CELF1: variants seen among roughly 807,000 people sequenced by gnomAD.
CELF1 encodes the protein CUGBP Elav-like family member 1.
In CELF1, 10 loss-of-function variants were observed where a neutral mutation model predicts 61.8. The observed-to-expected ratio is 0.16, with a 90% confidence interval of 0.10 to 0.27. The LOEUF is 0.27. Among genes scored for constraint, CELF1 ranks in the 10% least tolerant of loss-of-function variants. The probability of loss-of-function intolerance (pLI) is 1.00; values close to 1 mark genes in which losing one functional copy is unlikely to be tolerated. For synonymous variants in CELF1, 236 were observed against 225.1 expected (o/e 1.05, Z -0.43); for missense variants, 380 against 639.1 (o/e 0.59, Z 4.37).
At chr11:47,474,601 G>T (rs2079168534) in intron 13 of CELF1, among the ~76,000 whole-genome samples, 1 of 152,176 alleles carries the variant, frequency 6.6e-6, no homozygotes, top group South Asian at 2.1e-4. Flanking sequence ...CACATCCCTA[G>T]GGGATATAAG....
Position 47,468,964 on chromosome 11 carries a change from G to C in CELF1, c.*3266C>G, listed in dbSNP as rs2077126082. ...AGAGCAATACATCCAAACAAAGAGA[G>C]AGAGAACAGGAACACTCACTGTGTG... On this transcript the variant is annotated 3_prime_UTR_variant, in exon 15 of 15. Transcript: ENST00000687097. 2 of 152,244 alleles carry C rather than the reference G, an allele frequency of 1.3e-5. No homozygotes were observed. Among genetic ancestry groups the C allele is most frequent in the Admixed American group, 1.3e-4 (2 of 15,280 alleles). The allele number at this position is 152,244 out of a possible 1,614,324, so 9.4% of individuals were successfully genotyped here. A position where few individuals can be genotyped will look rare whatever the true frequency, so the allele number is the denominator to read the frequency against.
In CELF1 at chr11:47,478,280, T is replaced by C. The variant is rs955068413; in HGVS notation, c.844+597A>G. Among the ~76,000 whole-genome samples, 14 of 152,230 alleles carry C rather than the reference T, an allele frequency of 9.2e-5. 1 individual carries two copies. The South Asian group carries it at 2.7e-3, about 29-fold the overall frequency. ...CACATTTGGCCTAGCCTAAATCCAA[T>C]GCAGAGGGTGTAGGCACAGGCAGCT... is the stretch of plus-strand genomic sequence containing the variant. On this transcript the variant is annotated intron_variant, in intron 10 of 14. Transcript: ENST00000687097.
chr11:47,518,671 C>A (rs1288360676), intron 1 of CELF1, among the ~76,000 whole-genome samples: 2 of 152,180 alleles, frequency 1.3e-5, no homozygotes, highest in African/African-American at 4.8e-5. Context: ...TCCAACTCTG[C>A]ATCTCCCCTG....
At chr11:47,554,131 C>T (rs2097195169), upstream of CELF1, among the ~76,000 whole-genome samples, 1 of 152,098 alleles carries the variant, frequency 6.6e-6, no homozygotes, top group Non-Finnish European at 1.5e-5. Context: ...TACCTTACCA[C>T]AAACAACAAG....
At position 47,551,039 on chromosome 11, in the gene CELF1, T is replaced by TA. The variant is rs10718787; in HGVS notation, c.-154+1952dup. 7.5e-4 allele frequency among the ~76,000 whole-genome samples: 110 copies of TA among 146,752 alleles called. 1 individual carries two copies. Among genetic ancestry groups the TA allele is most frequent in the African/African-American group, 2.6e-3 (103 of 40,188 alleles). The stretch of plus-strand genomic sequence containing the variant: ...TTGCATTATTACTCGTGATATTGTT[T>TA]AAAAAAAAAAAAAACATAACCTTGG... On this transcript the variant is annotated intron_variant, in intron 1 of 14. Transcript: ENST00000687097.
At chr11:47,475,800 T>C (rs2079808601) in intron 12 of CELF1, among the ~76,000 whole-genome samples, 2 of 152,202 alleles carry the variant, frequency 1.3e-5, no homozygotes, top group South Asian at 4.1e-4. Flanking sequence ...TATCTGGCTA[T>C]TCTGCCACTT....
chr11:47,534,276 C>T (rs1370904032), intron 1 of CELF1, among the ~76,000 whole-genome samples: 3 of 150,976 alleles, frequency 2.0e-5, no homozygotes, highest in Admixed American at 6.6e-5. Flanking sequence ...GTGATCCACC[C>T]GCCTTGGCCT....
intron 2 of CELF1, among the ~76,000 whole-genome samples, chr11:47,563,494 C>T (rs1031844669): frequency 1.6e-4 from 24 of 151,896 alleles, no homozygotes; most frequent in Admixed American, 1.3e-3. Flanking sequence ...AAGAGCAGCC[C>T]GGCCAACATG....
chr11:47,469,523 C>T lies in CELF1; in HGVS notation c.*2707G>A, dbSNP rs2077230677. 1 of 152,298 alleles carries T rather than the reference C, an allele frequency of 6.6e-6. No individual in the cohort carries two copies. Among genetic ancestry groups the T allele is most frequent in the Admixed American group, 6.5e-5 (1 of 15,280 alleles). 9.4% of individuals were successfully genotyped at this position (152,298 alleles called of 1,614,324 possible). On this transcript the variant is annotated 3_prime_UTR_variant, in exon 15 of 15. Coordinates refer to ENST00000687097, the MANE Select transcript of CELF1 (RefSeq NM_001376376.1). ...TTGCTTAAGACTTGACAGCGAGTCT[C>T]CACTCTGAGCTGAGCCCTTTCACAC...
intron 13 of CELF1, among the ~76,000 whole-genome samples, chr11:47,474,307 C>G (rs2079017975): frequency 1.3e-5 from 2 of 152,208 alleles, no homozygotes; most frequent in Non-Finnish European, 2.9e-5. Flanking sequence ...ATTGCTGCCT[C>G]AGGGCCTCTG....
intron 1 of CELF1, among the ~76,000 whole-genome samples, chr11:47,540,050 GAT>G (rs1205426551): frequency 6.6e-6 from 1 of 152,184 alleles, no homozygotes; most frequent in African/African-American, 2.4e-5. Flanking sequence ...GGTGCAATAA[GAT>G]ATTACAAGAG....
chr11:47,484,924 CGCCTCG>C (rs200672350), intron 6 of CELF1, among the ~76,000 whole-genome samples: 2,130 of 152,228 alleles, frequency 0.014, 46 homozygotes, highest in African/African-American at 0.048. Flanking sequence ...GTGATCCACC[CGCCTCG>C]GCCTCCCAAA....
At chr11:47,483,402 C>T (rs1241746021) in intron 8 of CELF1, 51 bp downstream of exon 8, 1 of 1,437,072 alleles carries the variant, frequency 7.0e-7, no homozygotes, top group African/African-American at 1.4e-5. Flanking sequence ...GGCCAACTGT[C>T]CCAGCATTCC....
At chr11:47,532,452 T>C (rs2096508193) in intron 1 of CELF1, among the ~76,000 whole-genome samples, 1 of 152,232 alleles carries the variant, frequency 6.6e-6, no homozygotes, top group Non-Finnish European at 1.5e-5. Flanking sequence ...CACCTCCACC[T>C]GAGGAAAGAG....
chr11:47,541,554 G>T (rs1164902025), intron 1 of CELF1, among the ~76,000 whole-genome samples: 18 of 151,732 alleles, frequency 1.2e-4, no homozygotes, highest in Admixed American at 1.2e-3. Flanking sequence ...GCTGGGTGTG[G>T]TGGCGCATGC....
chr11:47,562,896 G>A (rs1053957790), intron 2 of CELF1, among the ~76,000 whole-genome samples: 1 of 151,732 alleles, frequency 6.6e-6, no homozygotes, highest in Non-Finnish European at 1.5e-5. Context: ...TAGTAGAGAC[G>A]GGGTTTCACC....
rs1314321225 is a variant in CELF1 at position 47,527,242 on chromosome 11, T to G, written c.-154+25750A>C. Among the ~76,000 whole-genome samples, 3 of 151,524 alleles carry G rather than the reference T, an allele frequency of 2.0e-5. No individual in the cohort carries two copies. In the East Asian group the frequency reaches 5.8e-4, roughly 30 times the overall value. ...CATCTCTACAGAAAGAAGTAAAAAATTAGCCGGACATGGTGGCACGTGCCT... is the reference window on the plus strand; with the variant it reads ...CATCTCTACAGAAAGAAGTAAAAAAGTAGCCGGACATGGTGGCACGTGCCT... On this transcript the variant is annotated intron_variant, in intron 1 of 14. Coordinates refer to ENST00000687097, the MANE Select transcript of CELF1 (RefSeq NM_001376376.1).
At chr11:47,548,498 T>A (rs1251407988) in intron 1 of CELF1, among the ~76,000 whole-genome samples, 1 of 152,086 alleles carries the variant, frequency 6.6e-6, no homozygotes, top group East Asian at 1.9e-4. Flanking sequence ...AAGCATACAA[T>A]CGACAAAGTG....
At chr11:47,497,261 G>C (rs2093297574) in intron 3 of CELF1, among the ~76,000 whole-genome samples, 1 of 152,220 alleles carries the variant, frequency 6.6e-6, no homozygotes, top group Admixed American at 6.5e-5. Flanking sequence ...AAGCACATCA[G>C]TGTCCCCTTA....
Sources: allele counts gnomAD v4.1 joint callset (sites outside exome capture counted in the v4.1 genomes callset), GRCh38; gene constraint gnomAD v4.1.1; transcripts MANE v1.5; gene names NCBI Gene and HGNC (gene_info 2026-07-23, HGNC 2026-07-21).